The following ADCY5 variants were observed in gnomAD, a reference collection of about 807,000 sequenced individuals.
The protein encoded by ADCY5 is adenylate cyclase type 5.
In ADCY5, 30 loss-of-function variants were observed where a neutral mutation model predicts 119.7. The observed-to-expected ratio is 0.25, with a 90% CI of 0.19 to 0.34. The LOEUF (loss-of-function observed/expected upper bound fraction) is 0.34, where lower values mean the gene tolerates loss of function less well. ADCY5 is among the 10% of genes least tolerant of loss of function. The pLI, the probability that ADCY5 is intolerant of heterozygous loss-of-function variation, is 1.00. For missense variants in ADCY5, 1,324 were observed against 1,775.2 expected (o/e 0.75, Z 4.57); for synonymous variants, 753 against 762.2 (o/e 0.99, Z 0.20).
chr3:123,304,303 C>T (rs545082736), intron 12 of ADCY5, 120 bp from the exon 13 acceptor site: 1 of 677,810 alleles, frequency 1.5e-6, no homozygotes, highest in Non-Finnish European at 2.7e-6. Context: ...CAGCATGACC[C>T]CTGGGCCTTC....
intron 2 of ADCY5, among the ~76,000 whole-genome samples, chr3:123,351,306 C>T (rs966598286): frequency 4.6e-5 from 7 of 152,148 alleles, no homozygotes; most frequent in Non-Finnish European, 8.8e-5. Flanking sequence ...GGACACCCCC[C>T]ACAGTACTAA....
Position 123,314,248 on chromosome 3 carries a change from T to A in ADCY5, c.2429A>T (p.Tyr810Phe). ...LTLVVFVSVI[Y>F]SCVKLFPSPL... ...AGCTACACTCACCTTTACGCAGGAG[T>A]AGATCACAGACACAAACACCACCAA... The change falls in exon 12 of 21, where the codon TAC (tyrosine) becomes TTC (phenylalanine). Residue 810 changes from tyrosine to phenylalanine, a missense_variant. Physicochemically the swap from Tyr to Phe is conservative, Grantham distance 22. This residue lies in a region of ADCY5 where 424 missense variants were observed against 546.8 expected (regional missense o/e 0.78). Transcript: ENST00000462833. 3 of 1,611,610 alleles carry A rather than the reference T, an allele frequency of 1.9e-6. No individual in the cohort carries two copies. The highest frequency in any genetic ancestry group is 2.5e-6 in the Non-Finnish European group (3 of 1,178,642).
chr3:123,301,560 G>A (rs1939853995), intron 14 of ADCY5, among the ~76,000 whole-genome samples: 2 of 152,210 alleles, frequency 1.3e-5, no homozygotes, highest in Admixed American at 6.5e-5. Context: ...CCCAGGGTCT[G>A]GTCTGTGAGG....
intron 1 of ADCY5, among the ~76,000 whole-genome samples, chr3:123,416,504 A>T (rs145115197): frequency 2.0e-5 from 3 of 152,306 alleles, no homozygotes; most frequent in Non-Finnish European, 4.4e-5. Context: ...TCTCATAGAA[A>T]CTGGTAGAGA....
rs1296332307 is a variant in ADCY5 at position 123,448,117 on chromosome 3, AGCC to A, written c.426_428del (p.Ala144del). ...GCACCTCCGTCCCGCCCGCCGAGGC[AGCC>A]GCCGCCGCCGAGCCGCCGCCGCCGC... On this transcript the variant is annotated inframe_deletion, in exon 1 of 21. Coordinates refer to ENST00000462833, the MANE Select transcript of ADCY5 (RefSeq NM_183357.3). The A allele has an allele frequency of 6.5e-5, 71 of 1,094,238 alleles. No homozygotes were observed. Among genetic ancestry groups the A allele is most frequent in the South Asian group, 2.0e-4 (5 of 24,670 alleles). 67.8% of individuals were successfully genotyped at this position (1,094,238 alleles called of 1,614,324 possible).
At chr3:123,385,384 A>G (rs1944187554) in intron 1 of ADCY5, among the ~76,000 whole-genome samples, 1 of 152,130 alleles carries the variant, frequency 6.6e-6, no homozygotes, top group Non-Finnish European at 1.5e-5. Context: ...GGGGATGGAG[A>G]AAGGAGAGGG....
At chr3:123,375,273 G>A (rs1266914443) in intron 1 of ADCY5, among the ~76,000 whole-genome samples, 1 of 152,242 alleles carries the variant, frequency 6.6e-6, no homozygotes, top group East Asian at 1.9e-4. Flanking sequence ...AGAACCTGCA[G>A]ATATAAACAG....
chr3:123,409,668 C>T (rs1416840144), intron 1 of ADCY5, among the ~76,000 whole-genome samples: 1 of 152,180 alleles, frequency 6.6e-6, no homozygotes, highest in African/African-American at 2.4e-5. Context: ...CCACCTCTGA[C>T]CTTGTGACTC....
At position 123,447,924 on chromosome 3, in the gene ADCY5, A is replaced by C; in HGVS notation, c.622T>G (p.Cys208Gly). 6.2e-7 allele frequency: 1 copy of C among 1,605,506 alleles called. No individual in the cohort carries two copies. Among genetic ancestry groups the C allele is most frequent in the Non-Finnish European group, 8.5e-7 (1 of 1,175,790 alleles). Residue 208 changes from cysteine (C) to glycine (G), a missense_variant, in exon 1 of 21, where the codon TGC becomes GGC. This residue lies in a region of ADCY5 where 585 missense variants were observed against 569.9 expected (regional missense o/e 1.03). Transcript: ENST00000462833. ...GPGAVLSLGACCLALLQIFRS... is the reference protein window; with the variant it reads ...GPGAVLSLGAGCLALLQIFRS... ...AATATCTGCAGCAACGCCAGGCAGC[A>C]GGCGCCCAGGGACAGCACCGCGCCG...
At chr3:123,329,740 C>G (rs535388582) in intron 5 of ADCY5, among the ~76,000 whole-genome samples, 1 of 152,324 alleles carries the variant, frequency 6.6e-6, no homozygotes, top group Non-Finnish European at 1.5e-5. Context: ...GACCCCATCC[C>G]ACGCCATCAG....
Position 123,345,763 on chromosome 3 carries a change from CAG to C in ADCY5, c.1406+2017_1406+2018del, listed in dbSNP as rs772155472. On this transcript the variant is annotated intron_variant, in intron 3 of 20. Coordinates refer to ENST00000462833, the MANE Select transcript of ADCY5 (RefSeq NM_183357.3). ...ACAGACAGACAGACAGACAGACAGA[CAG>C]ACAGACACACACACACACACACACA... Among the ~76,000 whole-genome samples, 1,338 of 139,314 alleles carry C rather than the reference CAG, an allele frequency of 9.6e-3. 9 individuals carry two copies. The highest frequency in any genetic ancestry group is 0.023 in the African/African-American group (822 of 35,752). The allele number at this position is 139,314 out of a possible 152,430, so 91.4% of individuals were successfully genotyped here. A position where few individuals can be genotyped will look rare whatever the true frequency, so the allele number is the denominator to read the frequency against.
chr3:123,351,348 T>A (rs1263083756), intron 2 of ADCY5, among the ~76,000 whole-genome samples: 1 of 152,222 alleles, frequency 6.6e-6, no homozygotes. Context: ...CCACAGCATG[T>A]GCTCCGTGCC....
chr3:123,424,565 GAACAAGCACAGCGAGGCCTTGGTGGCT>G (rs1448470097), intron 1 of ADCY5, among the ~76,000 whole-genome samples: 1 of 152,220 alleles, frequency 6.6e-6, no homozygotes, highest in African/African-American at 2.4e-5. Context: ...CTGAGGGCTA[GAACAAGCACAGCGAGGCCTTGGTGGCT>G]GGGGGCATTT....
chr3:123,412,911 C>T lies in ADCY5; in HGVS notation c.1134+34501G>A, dbSNP rs556173237. ...ACGTGCCTGTCAGAACAGCTGGTGA[C>T]GGCGTCCCTCTCCCGGCACAGATGC... On this transcript the variant is annotated intron_variant, in intron 1 of 20. Transcript: ENST00000462833. 3.9e-5 allele frequency among the ~76,000 whole-genome samples: 6 copies of T among 152,266 alleles called. No individual in the cohort carries two copies. In the South Asian group the frequency reaches 1.2e-3, roughly 32 times the overall value.
chr3:123,357,724 C>T (rs1943089214), intron 1 of ADCY5, among the ~76,000 whole-genome samples: 1 of 152,196 alleles, frequency 6.6e-6, no homozygotes, highest in African/African-American at 2.4e-5. Context: ...CACACACTCA[C>T]ACCATCTGCC....
intron 1 of ADCY5, among the ~76,000 whole-genome samples, chr3:123,411,844 A>G (rs1467209934): frequency 1.3e-5 from 2 of 152,188 alleles, no homozygotes; most frequent in Non-Finnish European, 2.9e-5. Context: ...CACCGTTGAC[A>G]GCACAACAGA....
intron 1 of ADCY5, among the ~76,000 whole-genome samples, chr3:123,364,389 T>C (rs1359339285): frequency 6.6e-6 from 1 of 152,188 alleles, no homozygotes; most frequent in Non-Finnish European, 1.5e-5. Flanking sequence ...AGGAATCATG[T>C]CTGGGCAGTG....
intron 1 of ADCY5, among the ~76,000 whole-genome samples, chr3:123,385,778 TA>T (rs1255321318): frequency 4.6e-5 from 7 of 152,198 alleles, no homozygotes; most frequent in Non-Finnish European, 8.8e-5. Flanking sequence ...GCTGCAGAGT[TA>T]AAGTAGATAC....
At chr3:123,297,412 G>A in intron 15 of ADCY5, 30 bp from the exon 16 acceptor site, 6 of 1,612,730 alleles carry the variant, frequency 3.7e-6, no homozygotes, top group Non-Finnish European at 1.7e-6. Flanking sequence ...AGACTGGTCA[G>A]GGCCACCCTT....
Sources: allele counts gnomAD v4.1 joint callset (sites outside exome capture counted in the v4.1 genomes callset), GRCh38; gene constraint gnomAD v4.1.1; regional missense constraint gnomAD v4.1.1; transcripts MANE v1.5; gene names NCBI Gene and HGNC (gene_info 2026-07-23, HGNC 2026-07-21).